TRPM5: variants seen among roughly 807,000 people sequenced by gnomAD.
The protein encoded by TRPM5 is MLSN1 and TRP-related.
A neutral mutation model predicts 124.9 loss-of-function variants in TRPM5; 121 were observed. The ratio of observed to expected loss-of-function variants is 0.97; its 90% CI spans 0.84 to 1.13. The LOEUF (loss-of-function observed/expected upper bound fraction) is 1.13, where lower values mean the gene tolerates loss of function less well. TRPM5 is among the 50% of genes most tolerant of loss of function. The pLI, the probability that TRPM5 is intolerant of heterozygous loss-of-function variation, is 0.00. For missense variants in TRPM5, 1,643 were observed against 1,589.1 expected, an observed-to-expected ratio of 1.03 and a Z score of -0.58; for synonymous variants, 781 against 700.5, an observed-to-expected ratio of 1.11 and a Z score of -1.81.
At chr11:2,420,062 GCCCCCAC>G (rs1845747190) in intron 4 of TRPM5, among the ~76,000 whole-genome samples, 153 bp downstream of exon 9, 2 of 51,668 alleles carry the variant, frequency 3.9e-5, no homozygotes, top group Admixed American at 2.0e-4. Flanking sequence ...CACGGCCCAG[GCCCCCAC>G]GGCCCAGGTC....
intron 21 of TRPM5, among the ~76,000 whole-genome samples, chr11:2,406,416 C>T (rs1462406779): frequency 6.6e-6 from 1 of 152,114 alleles, no homozygotes; most frequent in Non-Finnish European, 1.5e-5. Flanking sequence ...TAGTCCCAAC[C>T]CTGAGACCAC....
At chr11:2,420,850 G>A (rs959129397) in intron 3 of TRPM5, among the ~76,000 whole-genome samples, 182 bp downstream of exon 8, 17 of 152,210 alleles carry the variant, frequency 1.1e-4, no homozygotes, top group Admixed American at 3.3e-4. Flanking sequence ...CCGCGCCACA[G>A]TCTACGCTGG....
upstream of TRPM5, among the ~76,000 whole-genome samples, chr11:2,426,414 C>T (rs1845840675): frequency 6.6e-6 from 1 of 152,126 alleles, no homozygotes; most frequent in Non-Finnish European, 1.5e-5. Flanking sequence ...TGAGCAGGTG[C>T]CCAGGTCTTC....
At chr11:2,435,783 A>G in the TRPM5 span, among the ~76,000 whole-genome samples, 1 of 151,860 alleles carries the variant, frequency 6.6e-6, no homozygotes, top group African/African-American at 2.4e-5. The surrounding 1 kb of genome is among the most constrained non-coding windows in gnomAD (Gnocchi z 4.1). Flanking sequence ...CCATCTGTCC[A>G]TCTCTCTACC....
the TRPM5 span, among the ~76,000 whole-genome samples, chr11:2,433,724 G>A: frequency 5.0e-4 from 76 of 152,258 alleles, no homozygotes; most frequent in Non-Finnish European, 8.5e-4. Context: ...GGGTAATTGC[G>A]AGAAGCAAGG....
exon 23 of TRPM5, chr11:2,405,546 G>A (rs1295930138): frequency 6.4e-7 from 1 of 1,564,642 alleles, no homozygotes; most frequent in South Asian, 1.2e-5. Context: ...CGCCACCCTG[G>A]GCCAGCACGT....
Position 2,407,303 on chromosome 11 carries a change from G to A in TRPM5, c.2937-3C>T, listed in dbSNP as rs58738928. The A allele has an allele frequency of 4.2e-4, 681 of 1,607,906 alleles. 4 individuals are homozygous for A. In the African/African-American group the frequency reaches 8.3e-3, roughly 20 times the overall value. ...CCTGCACCACCTGGAACGTGTAGCT[G>A]CAGGGGCACAGCTGAGCCGTCACCT... On this transcript the variant is annotated splice_polypyrimidine_tract_variant and splice_region_variant and intron_variant, in intron 19 of 23. Transcript: ENST00000155858.
the TRPM5 span, among the ~76,000 whole-genome samples, chr11:2,433,090 C>T: frequency 1.4e-4 from 22 of 152,252 alleles, no homozygotes; most frequent in African/African-American, 4.8e-4. Flanking sequence ...ACTGCTGTCT[C>T]GGCACCATCC....
At chr11:2,440,704 G>C in the TRPM5 span, among the ~76,000 whole-genome samples, 1 of 152,178 alleles carries the variant, frequency 6.6e-6, no homozygotes, top group Non-Finnish European at 1.5e-5. The surrounding 1 kb of genome is among the most constrained non-coding windows in gnomAD (Gnocchi z 5.2). Flanking sequence ...CCTGCGCCTA[G>C]AACAGCGCCT....
rs369446887 is a variant in TRPM5 at position 2,414,893 on chromosome 11, C to T, written c.1620+14G>A. 1,626 of 1,599,208 alleles carry T rather than the reference C, an allele frequency of 1.0e-3. 13 individuals carry two copies. In the African/African-American group the frequency reaches 0.018, roughly 18 times the overall value. On this transcript the variant is annotated intron_variant, in intron 10 of 23. Coordinates refer to ENST00000155858, the Ensembl canonical transcript of TRPM5. The stretch of plus-strand genomic sequence containing the variant: ...CTCCCCTGCCCCCGCGCTGGGCCCG[C>T]GGCCTGGGCTCACCATGGCCCAGAA...
rs1850326942 is a variant in TRPM5, at chr11:2,406,570, C to T, written c.3251+91G>A. Reference sequence around the variant, plus strand: ...CCCCTACCCCTTCAGCTTCAGTTCGCCAGCTCAGATCCTCTGTCACTGGCG... The same window carrying T: ...CCCCTACCCCTTCAGCTTCAGTTCGTCAGCTCAGATCCTCTGTCACTGGCG... On this transcript the variant is annotated intron_variant, in intron 21 of 23. Transcript: ENST00000155858. 2.0e-6 allele frequency: 3 copies of T among 1,498,442 alleles called. No homozygotes were observed. The Admixed American group carries it at 6.2e-5, about 31-fold the overall frequency. The allele number at this position is 1,498,442 out of a possible 1,614,324, so 92.8% of individuals were successfully genotyped here.
chr11:2,406,988 G>T, intron 20 of TRPM5, 131 bp downstream of exon 25: 1 of 1,316,060 alleles, frequency 7.6e-7, no homozygotes, highest in Non-Finnish European at 1.0e-6. Context: ...AGCCTGCACA[G>T]AGCCCAGCTG....
chr11:2,414,009 G>GGGGGGGCGCCCCCC, intron 12 of TRPM5, 52 bp downstream of exon 17: 1 of 1,023,734 alleles, frequency 9.8e-7, no homozygotes, highest in Non-Finnish European at 1.4e-6. Context: ...GGCCCAGCTC[G>GGGGGGGCGCCCCCC]CCCGCCCACC....
rs1850498909 is a variant in TRPM5, at chr11:2,413,569, C to T, written c.1910G>A (p.Trp637Ter). 6.2e-7 allele frequency: 1 copy of T among 1,612,608 alleles called. No individual in the cohort carries two copies. The highest frequency in any genetic ancestry group is 8.5e-7 in the Non-Finnish European group (1 of 1,179,850). ...CGTGCCTGCGGCCATGTCCCCCCAC[C>T]AGATCCTGGTCAGGAAGGCCTGAGG... Residue 637 changes from tryptophan to a stop codon, truncating the protein, a stop_gained, in exon 13 of 24, where the codon TGG (tryptophan) becomes TAG (stop). Coordinates refer to ENST00000155858, the Ensembl canonical transcript of TRPM5. LOFTEE classifies it high-confidence loss of function.
At chr11:2,416,080 C>G (rs1450079099) in intron 7 of TRPM5, 56 bp from the exon 13 acceptor site, 14 of 1,374,658 alleles carry the variant, frequency 1.0e-5, no homozygotes, top group Non-Finnish European at 1.3e-5. Context: ...CTCACAGAGC[C>G]GGGGCACAGG....
At chr11:2,409,112 C>T (rs534721843) in intron 18 of TRPM5, among the ~76,000 whole-genome samples, 46 of 152,260 alleles carry the variant, frequency 3.0e-4, no homozygotes, top group Admixed American at 1.0e-3. Context: ...TTGTTTCTCC[C>T]GAGTGAGTTA....
At chr11:2,409,792 C>T (rs770728283) in intron 18 of TRPM5, among the ~76,000 whole-genome samples, 1 of 152,178 alleles carries the variant, frequency 6.6e-6, no homozygotes, top group Admixed American at 6.5e-5. Flanking sequence ...CCGGGGCTGG[C>T]CCTGTTGCAG....
chr11:2,416,250 C>T (rs1845675334), intron 7 of TRPM5, among the ~76,000 whole-genome samples: 2 of 152,248 alleles, frequency 1.3e-5, no homozygotes, highest in African/African-American at 4.8e-5. Flanking sequence ...GACGGCCCGT[C>T]TGCTCCCATG....
the TRPM5 span, among the ~76,000 whole-genome samples, chr11:2,433,985 G>A: frequency 2.0e-5 from 3 of 152,032 alleles, no homozygotes; most frequent in Non-Finnish European, 2.9e-5. Flanking sequence ...ATGTGTCTGT[G>A]TGGATCTGTG....
Sources: allele counts gnomAD v4.1 joint callset (sites outside exome capture counted in the v4.1 genomes callset), GRCh38; gene constraint gnomAD v4.1.1; non-coding constraint Gnocchi (gnomAD v3.1); transcripts MANE v1.5; gene names NCBI Gene and HGNC (gene_info 2026-07-23, HGNC 2026-07-21).